The following NBEAL2 variants were observed in gnomAD, a reference collection of about 807,000 sequenced individuals.
The protein encoded by NBEAL2 is neurobeachin like 2.
Under a neutral mutation model 299.8 loss-of-function variants are expected in NBEAL2, and 160 were observed. That is an observed-to-expected ratio of 0.53 (90% CI 0.47 to 0.61). The LOEUF (loss-of-function observed/expected upper bound fraction) is 0.61, where lower values mean the gene tolerates loss of function less well. Ranked by LOEUF, NBEAL2 falls within the 20% of genes least tolerant of loss-of-function variation. The pLI is 0.00. For synonymous variants in NBEAL2, 1,493 were observed against 1,542.3 expected (o/e 0.97, Z 0.75); for missense variants, 3,112 against 3,649.0 (o/e 0.85, Z 3.79).
rs112481873 is a variant in NBEAL2 at position 47,009,517 on chromosome 3, A to G, written c.*197A>G. The G allele has an allele frequency of 6.6e-6, 4 of 607,334 alleles. No homozygotes were observed. Among genetic ancestry groups the G allele is most frequent in the Non-Finnish European group, 1.1e-5 (4 of 348,812 alleles). 37.6% of individuals were successfully genotyped at this position (607,334 alleles called of 1,614,324 possible). On this transcript the variant is annotated 3_prime_UTR_variant, in exon 54 of 54. Coordinates refer to ENST00000450053, the MANE Select transcript of NBEAL2 (RefSeq NM_015175.3). Reference sequence around the variant, plus strand: ...CGGAAGTCCCGCCCCTCGCCGGCTGAGGGGCCGCCCTGAGGGCCAGCACTG... The same window carrying G: ...CGGAAGTCCCGCCCCTCGCCGGCTGGGGGGCCGCCCTGAGGGCCAGCACTG...
Position 46,989,641 on chromosome 3 carries a change from C to T in NBEAL2, c.556+48C>T. 2.0e-6 allele frequency: 3 copies of T among 1,493,100 alleles called. No individual in the cohort carries two copies. The highest frequency in any genetic ancestry group is 2.7e-6 in the Non-Finnish European group (3 of 1,094,128). The allele number at this position is 1,493,100 out of a possible 1,614,324, so 92.5% of individuals were successfully genotyped here. ...ACTTGGCTCCACCCCCAAACCTAGG[C>T]CCCTTCCTGTCGTTCCTTGATCCTG... On this transcript the variant is annotated intron_variant, in intron 6 of 53. Coordinates refer to ENST00000450053, the MANE Select transcript of NBEAL2 (RefSeq NM_015175.3). This position sits in a 1 kb window ranked among gnomAD's most constrained non-coding sequence, Gnocchi z 5.5.
intron 12 of NBEAL2, 64 bp from the exon 13 acceptor site, chr3:46,994,961 TGGAGCCA>T: frequency 6.8e-7 from 1 of 1,471,284 alleles, no homozygotes; most frequent in Non-Finnish European, 9.1e-7. Flanking sequence ...GGCAAGTAAA[TGGAGCCA>T]GAAAGTCCCA....
In NBEAL2 at chr3:46,997,579, A is replaced by G. The variant is rs771963675; in HGVS notation, c.2843A>G (p.Asn948Ser). 48 of 1,598,858 alleles carry G rather than the reference A, an allele frequency of 3.0e-5. No homozygotes were observed. In the Admixed American group the frequency reaches 7.6e-4, roughly 25 times the overall value. Reference sequence around the variant, plus strand: ...CTGGCAGAGGAACGGATGGAGAGGAACGCAGTGGCTGCTTTTCTGCTGATG... The same window carrying G: ...CTGGCAGAGGAACGGATGGAGAGGAGCGCAGTGGCTGCTTTTCTGCTGATG... Reference protein sequence around the residue: ...GKSSEERMERNAVAAFLLMLR... With the variant: ...GKSSEERMERSAVAAFLLMLR... Residue 948 changes from asparagine (N) to serine (S), a missense_variant, in exon 20 of 54, where the codon AAC (asparagine) becomes AGC (serine). Coordinates refer to ENST00000450053, the MANE Select transcript of NBEAL2 (RefSeq NM_015175.3).
Position 46,999,672 on chromosome 3 carries a change from C to T in NBEAL2, c.3746C>T (p.Ser1249Phe). Residue 1249 changes from serine (S) to phenylalanine (F), a missense_variant, in exon 26 of 54, where the codon TCC becomes TTC. Ser to Phe is a radical substitution (Grantham distance 155). Around this residue, in one of 3 missense-constraint regions of NBEAL2, gnomAD observed 2,243 missense variants for 2,538.1 expected, o/e 0.88. Transcript: ENST00000450053. ...GATCTGCTGGCTGTGGTACAGCTGT[C>T]CCTCCAGGCTGACCTCAGCGTTCGC... ...LSDLLAVVQL[S>F]LQADLSVRLD... 1 of 1,613,594 alleles carries T rather than the reference C, an allele frequency of 6.2e-7. No individual in the cohort carries two copies. The highest frequency in any genetic ancestry group is 8.5e-7 in the Non-Finnish European group (1 of 1,179,752).
In NBEAL2 at chr3:47,009,544, C is replaced by T. The variant is rs1372331976; in HGVS notation, c.*224C>T. ...GGGCCGCCCTGAGGGCCAGCACTGG[C>T]GTCTGCGGCCGCAGCAGCACTTTTT... On this transcript the variant is annotated 3_prime_UTR_variant, in exon 54 of 54. Coordinates refer to ENST00000450053, the MANE Select transcript of NBEAL2 (RefSeq NM_015175.3). 1 of 560,634 alleles carries T rather than the reference C, an allele frequency of 1.8e-6. No homozygotes were observed. The highest frequency in any genetic ancestry group is 3.3e-5 in the Admixed American group (1 of 30,590). The allele number at this position is 560,634 out of a possible 1,614,324, so 34.7% of individuals were successfully genotyped here.
In NBEAL2 at chr3:47,007,142, C is replaced by T; in HGVS notation, c.7211C>T (p.Ser2404Phe). 2 of 1,613,686 alleles carry T rather than the reference C, an allele frequency of 1.2e-6. No individual in the cohort carries two copies. Among genetic ancestry groups the T allele is most frequent in the East Asian group, 2.2e-5 (1 of 44,884 alleles). ...RQPHSFITQGSPDLLVTVSAS... is the reference protein window; with the variant it reads ...RQPHSFITQGFPDLLVTVSAS... Reference sequence around the variant, plus strand: ...CCCCACTCCTTCATCACCCAGGGTTCCCCAGACCTGTTGGTAAGTGCATTG... The same window carrying T: ...CCCCACTCCTTCATCACCCAGGGTTTCCCAGACCTGTTGGTAAGTGCATTG... Residue 2404 changes from serine to phenylalanine, a missense_variant, in exon 46 of 54, where the codon TCC (serine) becomes TTC (phenylalanine). Physicochemically the swap from Ser to Phe is radical, Grantham distance 155 (BLOSUM62 -2). Transcript: ENST00000450053.
At chr3:47,002,865 T>G in intron 33 of NBEAL2, 63 bp downstream of exon 33, 1 of 1,562,670 alleles carries the variant, frequency 6.4e-7, no homozygotes. Flanking sequence ...GGGAGCCACC[T>G]GGAGCCCCAG....
rs914692153 is a variant in NBEAL2 at position 47,000,763 on chromosome 3, C to T, written c.4306-238C>T. ...CCTCTGCTTGTTCTATGTGAACTGC[C>T]TCATCTCCTCTTGGGAGTCTGGCAA... On this transcript the variant is annotated intron_variant, in intron 27 of 53. Transcript: ENST00000450053. This position sits in a 1 kb window ranked among gnomAD's most constrained non-coding sequence, Gnocchi z 4.5. Among the ~76,000 whole-genome samples, 3 of 152,210 alleles carry T rather than the reference C, an allele frequency of 2.0e-5. No individual in the cohort carries two copies. Among genetic ancestry groups the T allele is most frequent in the African/African-American group, 7.2e-5 (3 of 41,456 alleles).
At chr3:46,998,674 C>T (rs1221992097) in intron 22 of NBEAL2, 43 bp from the exon 23 acceptor site, 1 of 1,556,238 alleles carries the variant, frequency 6.4e-7, no homozygotes, top group South Asian at 1.2e-5. Context: ...TCTCTCCCCG[C>T]CTTTCTTTGG....
intron 6 of NBEAL2, among the ~76,000 whole-genome samples, chr3:46,990,387 A>G (rs1559586834): frequency 6.6e-6 from 1 of 152,158 alleles, no homozygotes; most frequent in East Asian, 1.9e-4. Flanking sequence ...CTCAAGATGA[A>G]ATCCTACTCC....
chr3:46,991,634 G>T lies in NBEAL2; in HGVS notation c.871G>T (p.Gly291Cys). Residue 291 changes from glycine (G) to cysteine (C), a missense_variant, in exon 8 of 54, where the codon GGT (glycine) becomes TGT (cysteine). Transcript: ENST00000450053. This position sits in a 1 kb window ranked among gnomAD's most constrained non-coding sequence, Gnocchi z 6.2. Reference protein sequence around the residue: ...FHVLNADWPAGLSSGPEEALV... With the variant: ...FHVLNADWPACLSSGPEEALV... ...TGTCCTTAATGCTGACTGGCCAGCTGGTCTGAGCTCAGGCCCCGAAGAGGC... is the reference window on the plus strand; with the variant it reads ...TGTCCTTAATGCTGACTGGCCAGCTTGTCTGAGCTCAGGCCCCGAAGAGGC... 1 of 1,599,842 alleles carries T rather than the reference G, an allele frequency of 6.3e-7. No homozygotes were observed. The highest frequency in any genetic ancestry group is 8.5e-7 in the Non-Finnish European group (1 of 1,179,786).
At chr3:47,007,729 G>A in intron 48 of NBEAL2, 32 bp downstream of exon 48, 1 of 1,609,028 alleles carries the variant, frequency 6.2e-7, no homozygotes, top group Non-Finnish European at 8.5e-7. Context: ...GGGAGAATGA[G>A]GCACACAGGT....
Position 46,989,556 on chromosome 3 carries a change from T to C in NBEAL2, c.519T>C (p.Pro173=), listed in dbSNP as rs1339472968. 5.6e-6 allele frequency: 9 copies of C among 1,598,010 alleles called. No homozygotes were observed. The highest frequency in any genetic ancestry group is 7.7e-6 in the Non-Finnish European group (9 of 1,172,106). The change falls in exon 6 of 54, where the codon CCT becomes CCC. Residue 173 remains proline, a synonymous_variant. Coordinates refer to ENST00000450053, the MANE Select transcript of NBEAL2 (RefSeq NM_015175.3). This position sits in a 1 kb window ranked among gnomAD's most constrained non-coding sequence, Gnocchi z 5.5. ...SKEKSKYKFP[P]AALPQEFSAF... ...AGAAGAGCAAATACAAGTTCCCTCC[T>C]GCTGCTTTGCCCCAGGAATTCAGCG...
Position 47,004,501 on chromosome 3 carries a change from G to A in NBEAL2, c.6205G>A (p.Val2069Ile), listed in dbSNP as rs1434709941. Residue 2069 changes from valine (V) to isoleucine (I), a missense_variant, in exon 38 of 54, where the codon GTA (valine) becomes ATA (isoleucine). This residue lies in a region of NBEAL2 where 521 missense variants were observed against 729.6 expected (regional missense o/e 0.71). Coordinates refer to ENST00000450053, the MANE Select transcript of NBEAL2 (RefSeq NM_015175.3). This position sits in a 1 kb window ranked among gnomAD's most constrained non-coding sequence, Gnocchi z 5.0. The stretch of plus-strand genomic sequence containing the variant: ...TGTCTGCCCCTGTCCCCAGAAATGG[G>A]TACAGCGTGAGATATCCAACTTCGA... ...LRASGLTQKWVQREISNFEYL... is the reference protein window; with the variant it reads ...LRASGLTQKWIQREISNFEYL... 15 of 1,613,604 alleles carry A rather than the reference G, an allele frequency of 9.3e-6. No homozygotes were observed. The highest frequency in any genetic ancestry group is 1.3e-5 in the Non-Finnish European group (15 of 1,179,794).
Position 47,007,511 on chromosome 3 carries a change from C to T in NBEAL2, c.7335-14C>T, listed in dbSNP as rs1239040888. 6 of 1,604,676 alleles carry T rather than the reference C, an allele frequency of 3.7e-6. No individual in the cohort carries two copies. The African/African-American group carries it at 8.0e-5, about 21-fold the overall frequency. ...GTGGCCTGGCCTCACTTGCTATCCCCCTCACTGGGTCAGGACGCAGCGACT... is the reference window on the plus strand; with the variant it reads ...GTGGCCTGGCCTCACTTGCTATCCCTCTCACTGGGTCAGGACGCAGCGACT... On this transcript the variant is annotated splice_polypyrimidine_tract_variant and intron_variant, in intron 47 of 53. Coordinates refer to ENST00000450053, the MANE Select transcript of NBEAL2 (RefSeq NM_015175.3).
chr3:46,995,402 G>T lies in NBEAL2; in HGVS notation c.1667G>T (p.Arg556Leu). ...EPGGAEAGKA[R>L]HAGAVIRTLS... ...GGCGGAGCTGAGGCTGGAAAGGCCC[G>T]ACACGCAGGTGCTGTCATCCGCACA... The change falls in exon 13 of 54, where the codon CGA becomes CTA. Residue 556 changes from arginine (R) to leucine (L), a missense_variant. Around this residue, in one of 3 missense-constraint regions of NBEAL2, gnomAD observed 2,243 missense variants for 2,538.1 expected, o/e 0.88. Transcript: ENST00000450053. The T allele has an allele frequency of 6.2e-7, 1 of 1,612,752 alleles. No individual in the cohort carries two copies. Among genetic ancestry groups the T allele is most frequent in the Non-Finnish European group, 8.5e-7 (1 of 1,179,870 alleles).
intron 1 of NBEAL2, among the ~76,000 whole-genome samples, chr3:46,981,303 G>A (rs977699465): frequency 2.6e-5 from 4 of 152,134 alleles, no homozygotes; most frequent in Non-Finnish European, 5.9e-5. Flanking sequence ...TTAGCCGGGC[G>A]TGGTGGGGTG....
rs200256284 is a variant in NBEAL2 at position 46,995,402 on chromosome 3, G to C, written c.1667G>C (p.Arg556Pro). The change falls in exon 13 of 54, where the codon CGA becomes CCA. Residue 556 changes from arginine to proline, a missense_variant. Transcript: ENST00000450053. ...EPGGAEAGKA[R>P]HAGAVIRTLS... ...GGCGGAGCTGAGGCTGGAAAGGCCCGACACGCAGGTGCTGTCATCCGCACA... is the reference window on the plus strand; with the variant it reads ...GGCGGAGCTGAGGCTGGAAAGGCCCCACACGCAGGTGCTGTCATCCGCACA... 2.0e-5 allele frequency: 32 copies of C among 1,612,634 alleles called. No homozygotes were observed. In the Admixed American group the frequency reaches 3.0e-4, roughly 15 times the overall value.
At position 46,988,740 on chromosome 3, in the gene NBEAL2, C is replaced by G. The variant is rs61734084; in HGVS notation, c.123C>G (p.Ser41=). Residue 41 remains serine (S), a synonymous_variant, in exon 2 of 54, where the codon TCC becomes TCG. Coordinates refer to ENST00000450053, the MANE Select transcript of NBEAL2 (RefSeq NM_015175.3). This position sits in a 1 kb window ranked among gnomAD's most constrained non-coding sequence, Gnocchi z 4.4. Reference sequence around the variant, plus strand: ...CCTTCAAGAAGAGCATCTCACTGTCCTCTCTGGAGCCACGAAGGTGAGGCT... The same window carrying G: ...CCTTCAAGAAGAGCATCTCACTGTCGTCTCTGGAGCCACGAAGGTGAGGCT... The part of the protein sequence containing the change: ...VGAFKKSISL[S]SLEPRRPEEA... The G allele has an allele frequency of 6.0e-4, 974 of 1,613,638 alleles. 5 individuals carry two copies. The African/African-American group carries it at 0.011, about 18-fold the overall frequency.
Sources: allele counts gnomAD v4.1 joint callset (sites outside exome capture counted in the v4.1 genomes callset), GRCh38; gene constraint gnomAD v4.1.1; regional missense constraint gnomAD v4.1.1; non-coding constraint Gnocchi (gnomAD v3.1); transcripts MANE v1.5; gene names NCBI Gene and HGNC (gene_info 2026-07-23, HGNC 2026-07-21).